ABI3BP: variants seen among roughly 807,000 people sequenced by gnomAD.
ABI3BP encodes ABI family member 3 binding protein.
Under a neutral mutation model 268.6 loss-of-function variants are expected in ABI3BP, and 216 were observed. The ratio of observed to expected loss-of-function variants is 0.80; its 90% confidence interval spans 0.72 to 0.90. The LOEUF (loss-of-function observed/expected upper bound fraction) is 0.90. ABI3BP is among the 40% of genes least tolerant of loss of function. The pLI is 0.00. For missense variants in ABI3BP, 2,090 were observed against 2,182.4 expected, an observed-to-expected ratio of 0.96 and a Z score of 0.84; for synonymous variants, 730 against 730.0, an observed-to-expected ratio of 1.00 and a Z score of 0.00.
At chr3:100,921,023 C>A (rs1413486664) in intron 2 of ABI3BP, among the ~76,000 whole-genome samples, 1 of 152,172 alleles carries the variant, frequency 6.6e-6, no homozygotes, top group Non-Finnish European at 1.5e-5. Flanking sequence ...GCACTGCATC[C>A]TTTTCCTCAC....
At chr3:100,835,570 A>G (rs2098564346) in intron 28 of ABI3BP, 31 bp downstream of exon 28, 35 of 1,495,608 alleles carry the variant, frequency 2.3e-5, no homozygotes, top group Non-Finnish European at 3.1e-5. Context: ...AGCAGAAAAA[A>G]CTCATACTTA....
chr3:100,921,605 A>G (rs1441385896), intron 2 of ABI3BP, among the ~76,000 whole-genome samples: 1 of 152,034 alleles, frequency 6.6e-6, no homozygotes, highest in Non-Finnish European at 1.5e-5. Flanking sequence ...GGCAATTAAT[A>G]TTTATTAATA....
intron 64 of ABI3BP, among the ~76,000 whole-genome samples, chr3:100,754,080 C>G (rs1162701990): frequency 6.6e-6 from 1 of 152,174 alleles, no homozygotes; most frequent in East Asian, 1.9e-4. Flanking sequence ...AATTTGAGTA[C>G]TTAGGAACAT....
At chr3:100,933,591 A>T (rs1428323395) in intron 1 of ABI3BP, among the ~76,000 whole-genome samples, 1 of 147,346 alleles carries the variant, frequency 6.8e-6, no homozygotes, top group African/African-American at 2.5e-5. Flanking sequence ...AACTAACAAG[A>T]AAAAAAAAAG....
chr3:100,756,252 C>T (rs1014416288), intron 63 of ABI3BP, among the ~76,000 whole-genome samples: 3 of 152,266 alleles, frequency 2.0e-5, no homozygotes, highest in Admixed American at 6.5e-5. Flanking sequence ...TGGCCAGGTG[C>T]GGTGGCTCGT....
rs376474721 is a variant in ABI3BP, at chr3:100,974,090, A to C, written c.79+19216T>G. ...CCTATTAGCAGCTAAAAATAAAAAC[A>C]CAAAATAAAAAAATCAACAATATCA... On this transcript the variant is annotated intron_variant, in intron 1 of 67. Transcript: ENST00000471714. 7.2e-5 allele frequency among the ~76,000 whole-genome samples: 11 copies of C among 152,296 alleles called. No individual in the cohort carries two copies. The South Asian group carries it at 2.1e-3, about 29-fold the overall frequency.
At chr3:100,765,769 C>A in intron 63 of ABI3BP, 72 bp downstream of exon 63, 2 of 1,168,210 alleles carry the variant, frequency 1.7e-6, no homozygotes, top group South Asian at 1.3e-5. Context: ...AGATGATTAT[C>A]ATTTCTTTCC....
At chr3:100,984,210 T>C (rs2090826265) in intron 1 of ABI3BP, among the ~76,000 whole-genome samples, 1 of 152,106 alleles carries the variant, frequency 6.6e-6, no homozygotes, top group East Asian at 1.9e-4. Context: ...AGAGCATTAC[T>C]GATATTTTTG....
chr3:100,983,569 T>G (rs1312554484), intron 1 of ABI3BP, among the ~76,000 whole-genome samples: 1 of 152,216 alleles, frequency 6.6e-6, no homozygotes, highest in Admixed American at 6.5e-5. Flanking sequence ...GCTTAGCTCC[T>G]GCAAATGTTG....
At chr3:100,982,456 A>G (rs1293727228) in intron 1 of ABI3BP, among the ~76,000 whole-genome samples, 9 of 151,864 alleles carry the variant, frequency 5.9e-5, no homozygotes. Context: ...AGAGAAAAAA[A>G]CCCTAATGTT....
In ABI3BP at chr3:100,842,132, C is replaced by T. The variant is rs376729334; in HGVS notation, c.1724-93G>A. On this transcript the variant is annotated intron_variant, in intron 20 of 67. Transcript: ENST00000471714. ...TCTTGACTATAAACGGAGTTCTCTC[C>T]TGGGTGAATGATTAGGTTCTACTGG... The T allele has an allele frequency of 4.6e-5, 49 of 1,060,286 alleles. 2 individuals carry two copies. Among genetic ancestry groups the T allele is most frequent in the Admixed American group, 2.5e-4 (12 of 47,262 alleles). 65.7% of individuals were successfully genotyped at this position (1,060,286 alleles called of 1,614,324 possible).
At chr3:100,854,554 CA>C (rs1363614355) in intron 14 of ABI3BP, among the ~76,000 whole-genome samples, 1 of 152,064 alleles carries the variant, frequency 6.6e-6, no homozygotes, top group African/African-American at 2.4e-5. Context: ...GATAAGTAGC[CA>C]AGAGTTAAGG....
At chr3:100,836,924 CAATTAT>C (rs1383955660) in intron 27 of ABI3BP, among the ~76,000 whole-genome samples, 194 bp downstream of exon 27, 1 of 152,116 alleles carries the variant, frequency 6.6e-6, no homozygotes, top group Non-Finnish European at 1.5e-5. Flanking sequence ...GAAAGAATAA[CAATTAT>C]GTGTTACAAG....
chr3:100,899,207 G>C (rs1582578563), intron 3 of ABI3BP, among the ~76,000 whole-genome samples: 1 of 152,298 alleles, frequency 6.6e-6, no homozygotes, highest in East Asian at 1.9e-4. Flanking sequence ...GTGGGTCAGG[G>C]AAGGATATGG....
intron 4 of ABI3BP, among the ~76,000 whole-genome samples, chr3:100,890,689 T>C (rs2044179737): frequency 6.6e-6 from 1 of 152,202 alleles, no homozygotes; most frequent in Non-Finnish European, 1.5e-5. Context: ...ATCTGTTGGC[T>C]GACCTCTTTA....
At chr3:100,853,851 A>G (rs79210430) in intron 14 of ABI3BP, among the ~76,000 whole-genome samples, 5,495 of 152,282 alleles carry the variant, frequency 0.036, 150 homozygotes, top group Non-Finnish European at 0.05. Context: ...CAAACATTTT[A>G]TCAAATATAC....
chr3:100,873,542 T>C (rs1185000044), intron 9 of ABI3BP, among the ~76,000 whole-genome samples: 4 of 152,180 alleles, frequency 2.6e-5, no homozygotes, highest in Admixed American at 6.6e-5. Context: ...ATGCTCTTGA[T>C]AACAGAGAGA....
At chr3:100,933,807 T>C (rs989660828) in intron 1 of ABI3BP, among the ~76,000 whole-genome samples, 1 of 151,714 alleles carries the variant, frequency 6.6e-6, no homozygotes, top group Non-Finnish European at 1.5e-5. Flanking sequence ...CATCTGGGTT[T>C]GGGAGATATT....
intron 12 of ABI3BP, chr3:100,863,551 G>C (rs979928535): frequency 6.2e-6 from 1 of 161,432 alleles, no homozygotes; most frequent in African/African-American, 2.4e-5. Flanking sequence ...ACTGACCTCA[G>C]GCAATCCACC....
Sources: allele counts gnomAD v4.1 joint callset (sites outside exome capture counted in the v4.1 genomes callset), GRCh38; gene constraint gnomAD v4.1.1; transcripts MANE v1.5; gene names NCBI Gene and HGNC (gene_info 2026-07-23, HGNC 2026-07-21).